The following DMRT1 variants were observed in gnomAD, a reference collection of about 807,000 sequenced individuals.
The protein encoded by DMRT1 is doublesex and mab-3 related transcription factor 1.
DMRT1 carries 7 observed loss-of-function variants against 32.3 expected under a neutral mutation model. The ratio of observed to expected loss-of-function variants is 0.22; its 90% CI spans 0.12 to 0.41. DMRT1 has a LOEUF of 0.41. DMRT1 is among the 10% of genes least tolerant of loss of function. The probability of loss-of-function intolerance (pLI) is 1.00; values close to 1 mark genes in which losing one functional copy is unlikely to be tolerated. For synonymous variants in DMRT1, 278 were observed against 206.1 expected (o/e 1.35, Z -2.99); for missense variants, 625 against 500.5 (o/e 1.25, Z -2.37).
chr9:918,208 G>C (rs1262766563), intron 4 of DMRT1, among the ~76,000 whole-genome samples: 2 of 152,224 alleles, frequency 1.3e-5, no homozygotes. Context: ...AAGCATGAAA[G>C]GTCAGAATCC....
chr9:928,988 C>G (rs1818621472), intron 4 of DMRT1, among the ~76,000 whole-genome samples: 1 of 151,990 alleles, frequency 6.6e-6, no homozygotes, highest in Non-Finnish European at 1.5e-5. Flanking sequence ...CAGGTGCATG[C>G]TACCAAGCCT....
chr9:963,386 A>G (rs964240831), intron 4 of DMRT1, among the ~76,000 whole-genome samples: 5 of 150,990 alleles, frequency 3.3e-5, no homozygotes, highest in Admixed American at 2.6e-4. Context: ...CACTCGGGGG[A>G]AAAACACATT....
intron 4 of DMRT1, among the ~76,000 whole-genome samples, chr9:922,502 G>A (rs1157694905): frequency 6.6e-6 from 1 of 152,158 alleles, no homozygotes; most frequent in Non-Finnish European, 1.5e-5. Flanking sequence ...TCTAGAGGTG[G>A]GTGGCACTGC....
intron 3 of DMRT1, among the ~76,000 whole-genome samples, chr9:897,445 T>C (rs987488014): frequency 2.0e-5 from 3 of 151,882 alleles, no homozygotes; most frequent in East Asian, 1.9e-4. Context: ...CACATTGATA[T>C]TGGAATTGAG....
At chr9:857,268 C>T (rs544740251) in intron 2 of DMRT1, among the ~76,000 whole-genome samples, 115 of 152,194 alleles carry the variant, frequency 7.6e-4, no homozygotes, top group African/African-American at 2.7e-3. Context: ...GATTGCTCCA[C>T]TGCACTCCAG....
In DMRT1 at chr9:913,174, C is replaced by G. The variant is rs151105824; in HGVS notation, c.823-3589C>G. Among the ~76,000 whole-genome samples, 195 of 152,120 alleles carry G rather than the reference C, an allele frequency of 1.3e-3. 3 individuals carry two copies. Among genetic ancestry groups the G allele is most frequent in the African/African-American group, 4.5e-3 (185 of 41,524 alleles). On this transcript the variant is annotated intron_variant, in intron 3 of 4. Transcript: ENST00000382276. Reference sequence around the variant, plus strand: ...CCAGCATTTTGCAGAGCATTTAGGCCCAAATCCTATCTGTTTTCTTGTACC... The same window carrying G: ...CCAGCATTTTGCAGAGCATTTAGGCGCAAATCCTATCTGTTTTCTTGTACC...
chr9:877,320 G>C (rs1816545075), intron 2 of DMRT1, among the ~76,000 whole-genome samples: 1 of 152,198 alleles, frequency 6.6e-6, no homozygotes, highest in Non-Finnish European at 1.5e-5. Flanking sequence ...TAATACCTTA[G>C]AGGTATGTCT....
intron 3 of DMRT1, among the ~76,000 whole-genome samples, chr9:898,496 G>C (rs1225111995): frequency 6.6e-6 from 1 of 152,132 alleles, no homozygotes; most frequent in Non-Finnish European, 1.5e-5. Flanking sequence ...TGCTGTTCCT[G>C]GAAGGCTCTC....
At chr9:868,486 C>T (rs1816088037) in intron 2 of DMRT1, among the ~76,000 whole-genome samples, 1 of 152,078 alleles carries the variant, frequency 6.6e-6, no homozygotes, top group Non-Finnish European at 1.5e-5. Context: ...CATGTCATTG[C>T]AAGAAGTTAC....
At position 966,513 on chromosome 9, in the gene DMRT1, C is replaced by A. The variant is rs1186622633; in HGVS notation, c.968-1472C>A. 2.0e-5 allele frequency among the ~76,000 whole-genome samples: 3 copies of A among 152,154 alleles called. No homozygotes were observed. In the East Asian group the frequency reaches 5.8e-4, roughly 29 times the overall value. On this transcript the variant is annotated intron_variant, in intron 4 of 4. Coordinates refer to ENST00000382276, the MANE Select transcript of DMRT1 (RefSeq NM_021951.3). ...TTATTCACTTACTGAATTTTCAGAT[C>A]ATCTCTTTCCTTCTTGGATATTGAG...
intron 2 of DMRT1, among the ~76,000 whole-genome samples, chr9:881,747 G>T (rs903899383): frequency 6.6e-6 from 1 of 152,206 alleles, no homozygotes; most frequent in African/African-American, 2.4e-5. Context: ...TCTGTAAGAC[G>T]GCTTTTAGAA....
In DMRT1 at chr9:967,887, G is replaced by C. The variant is rs1819981632; in HGVS notation, c.968-98G>C. On this transcript the variant is annotated intron_variant, in intron 4 of 4. Coordinates refer to ENST00000382276, the MANE Select transcript of DMRT1 (RefSeq NM_021951.3). The stretch of plus-strand genomic sequence containing the variant: ...AGAAATGGAGAGCGTCACTTTCTTT[G>C]TTGTAACCTAATTGAATAATGAATG... 2.5e-6 allele frequency: 3 copies of C among 1,186,476 alleles called. No individual in the cohort carries two copies. In the African/African-American group the frequency reaches 4.5e-5, roughly 18 times the overall value. 73.5% of individuals were successfully genotyped at this position (1,186,476 alleles called of 1,614,324 possible).
intron 2 of DMRT1, among the ~76,000 whole-genome samples, chr9:853,744 C>G (rs1304033431): frequency 6.6e-6 from 1 of 151,576 alleles, no homozygotes; most frequent in Admixed American, 6.6e-5. Flanking sequence ...ACCTCAGGTG[C>G]TCCGCCTGCC....
intron 2 of DMRT1, among the ~76,000 whole-genome samples, chr9:884,687 C>G (rs1816856734): frequency 6.6e-6 from 1 of 152,090 alleles, no homozygotes; most frequent in Admixed American, 6.6e-5. Context: ...CTTAAAACAT[C>G]TGGCCAGGTG....
At position 841,967 on chromosome 9, in the gene DMRT1, C is replaced by A; in HGVS notation, c.129C>A (p.Ser43Arg). The change falls in exon 1 of 5, where the codon AGC becomes AGA. Residue 43 changes from serine to arginine, a missense_variant. Ser to Arg is a moderately radical substitution (Grantham distance 110, BLOSUM62 -1). Transcript: ENST00000382276. ...KASGALVGAA[S>R]GSSAGGSSRG... ...CTGGGGCGCTAGTGGGGGCGGCCAGCGGCTCGAGCGCCGGGGGCAGCAGCA... is the reference window on the plus strand; with the variant it reads ...CTGGGGCGCTAGTGGGGGCGGCCAGAGGCTCGAGCGCCGGGGGCAGCAGCA... 1 of 1,586,158 alleles carries A rather than the reference C, an allele frequency of 6.3e-7. No individual in the cohort carries two copies. Among genetic ancestry groups the A allele is most frequent in the African/African-American group, 1.3e-5 (1 of 74,358 alleles).
chr9:916,588 T>A (rs1648418037), intron 3 of DMRT1, among the ~76,000 whole-genome samples, 175 bp from the exon 4 acceptor site: 1 of 152,178 alleles, frequency 6.6e-6, no homozygotes, highest in Non-Finnish European at 1.5e-5. Flanking sequence ...CCCTGGCTGG[T>A]CTTGAACTCC....
At chr9:874,886 C>CA (rs1254020783) in intron 2 of DMRT1, among the ~76,000 whole-genome samples, 2 of 143,566 alleles carry the variant, frequency 1.4e-5, no homozygotes, top group Non-Finnish European at 3.0e-5. Flanking sequence ...CACTTCACTG[C>CA]AAGCTCCACC....
At chr9:885,430 G>T (rs1033637464) in intron 2 of DMRT1, among the ~76,000 whole-genome samples, 1 of 152,166 alleles carries the variant, frequency 6.6e-6, no homozygotes, top group Non-Finnish European at 1.5e-5. Context: ...AAAGGAGATG[G>T]TTTTCCCCTG....
chr9:882,085 C>G (rs1816755766), intron 2 of DMRT1, among the ~76,000 whole-genome samples: 1 of 152,162 alleles, frequency 6.6e-6, no homozygotes, highest in Non-Finnish European at 1.5e-5. Flanking sequence ...TGGGGGAATT[C>G]TGAGGCACAG....
Sources: gnomAD v4.1 joint callset for allele counts (sites outside exome capture counted in the v4.1 genomes callset) on GRCh38, gnomAD v4.1.1 for gene constraint, MANE v1.5 for transcripts, NCBI Gene and HGNC (gene_info 2026-07-23, HGNC 2026-07-21) for gene names.